The following ANKRD6 variants were observed in gnomAD, a reference collection of about 807,000 sequenced individuals.
ANKRD6 encodes ankyrin repeat domain-containing protein 6.
A neutral mutation model predicts 82.3 loss-of-function variants in ANKRD6; 56 were observed. That is an observed-to-expected ratio of 0.68 (90% confidence interval 0.55 to 0.85). The LOEUF (loss-of-function observed/expected upper bound fraction) is 0.85. Among genes scored for constraint, ANKRD6 ranks in the 40% least tolerant of loss-of-function variants. ANKRD6 has a pLI of 0.00. For synonymous variants in ANKRD6, 347 were observed against 352.1 expected (o/e 0.99, Z 0.16); for missense variants, 852 against 907.6 (o/e 0.94, Z 0.79).
At chr6:89,570,227 T>C (rs1159076217) in intron 2 of ANKRD6, among the ~76,000 whole-genome samples, 1 of 152,054 alleles carries the variant, frequency 6.6e-6, no homozygotes, top group Non-Finnish European at 1.5e-5. Context: ...ACTACAGGCA[T>C]GCACACTGTT....
At chr6:89,534,698 A>T (rs977582001) in intron 1 of ANKRD6, among the ~76,000 whole-genome samples, 8 of 152,202 alleles carry the variant, frequency 5.3e-5, no homozygotes, top group African/African-American at 1.9e-4. Flanking sequence ...GAGCATTAAC[A>T]GGGTTCCTGC....
chr6:89,594,777 C>G (rs1387226615), intron 2 of ANKRD6, among the ~76,000 whole-genome samples: 2 of 152,110 alleles, frequency 1.3e-5, no homozygotes, highest in African/African-American at 2.4e-5. Flanking sequence ...GGGTCTTGCT[C>G]TGTTGCCCAG....
intron 1 of ANKRD6, chr6:89,509,322 A>G (rs1253323555): frequency 2.0e-5 from 3 of 152,216 alleles, no homozygotes; most frequent in Middle Eastern, 3.2e-3. Context: ...CAGAGAGCAA[A>G]CAATGAAAAG....
At chr6:89,508,682 C>G (rs1780164823) in intron 1 of ANKRD6, among the ~76,000 whole-genome samples, 1 of 152,138 alleles carries the variant, frequency 6.6e-6, no homozygotes, top group Non-Finnish European at 1.5e-5. Flanking sequence ...GATTTATTTT[C>G]CTGGTTACCT....
chr6:89,542,511 C>A (rs147922668), intron 1 of ANKRD6, among the ~76,000 whole-genome samples: 1 of 152,212 alleles, frequency 6.6e-6, no homozygotes, highest in East Asian at 1.9e-4. Flanking sequence ...ACCACCCCCC[C>A]GCTTCCCGAG....
At chr6:89,454,936 G>A (rs982259881) in intron 1 of ANKRD6, among the ~76,000 whole-genome samples, 6 of 152,112 alleles carry the variant, frequency 3.9e-5, no homozygotes, top group African/African-American at 1.4e-4. Context: ...TGCTTCCTGG[G>A]TTCAAGCGAT....
In ANKRD6 at chr6:89,601,355, C is replaced by T. The variant is rs1178882345; in HGVS notation, c.220-1674C>T. On this transcript the variant is annotated intron_variant, in intron 3 of 15. Coordinates refer to ENST00000339746, the MANE Select transcript of ANKRD6 (RefSeq NM_001242809.2). ...GATCTGTCCTCAGTGTCCTGACCCC[C>T]CCTCACTGCAGAAATTCCTTACCTT... is the stretch of plus-strand genomic sequence containing the variant. Among the ~76,000 whole-genome samples, 5 of 152,192 alleles carry T rather than the reference C, an allele frequency of 3.3e-5. No individual in the cohort carries two copies. In the East Asian group the frequency reaches 9.7e-4, roughly 29 times the overall value.
intron 1 of ANKRD6, among the ~76,000 whole-genome samples, chr6:89,448,456 T>C (rs1446952727): frequency 2.0e-5 from 3 of 150,746 alleles, no homozygotes; most frequent in Non-Finnish European, 4.4e-5. Context: ...AAAAGAATTA[T>C]ACTACATCTA....
chr6:89,544,735 AAAAC>A (rs759203665), intron 1 of ANKRD6, among the ~76,000 whole-genome samples: 128 of 152,050 alleles, frequency 8.4e-4, no homozygotes, highest in Non-Finnish European at 1.3e-3. Context: ...CAAAAAACAA[AAAAC>A]AAACAAAAAA....
intron 1 of ANKRD6, among the ~76,000 whole-genome samples, chr6:89,472,758 C>T (rs989314533): frequency 2.0e-5 from 3 of 152,138 alleles, no homozygotes; most frequent in South Asian, 4.1e-4. Flanking sequence ...TGAACTGGAG[C>T]TCATCCCATT....
intron 6 of ANKRD6, 22 bp downstream of exon 6, chr6:89,612,392 C>T (rs1303701605): frequency 6.5e-7 from 1 of 1,527,414 alleles, no homozygotes; most frequent in Non-Finnish European, 8.9e-7. Flanking sequence ...AAACCAGATT[C>T]TCACGTTCTC....
chr6:89,496,784 T>C (rs1778678544), intron 1 of ANKRD6, among the ~76,000 whole-genome samples: 1 of 152,164 alleles, frequency 6.6e-6, no homozygotes, highest in South Asian at 2.1e-4. Flanking sequence ...AGATAAAACT[T>C]AAATCCTACT....
At chr6:89,461,805 C>G (rs1463493249) in intron 1 of ANKRD6, among the ~76,000 whole-genome samples, 1 of 152,022 alleles carries the variant, frequency 6.6e-6, no homozygotes, top group African/African-American at 2.4e-5. Context: ...TCTTTACATC[C>G]CTGGAAGCTT....
Position 89,630,853 on chromosome 6 carries a change from A to G in ANKRD6, c.2033A>G (p.Gln678Arg), listed in dbSNP as rs1807255261. Residue 678 changes from glutamine to arginine, a missense_variant, in exon 16 of 16, where the codon CAG becomes CGG. Physicochemically the swap from Gln to Arg is conservative, Grantham distance 43. Coordinates refer to ENST00000339746, the MANE Select transcript of ANKRD6 (RefSeq NM_001242809.2). ...TATTTTTTTGAGGCTGTTTCTACCC[A>G]GATGGAAAAGTGGTATGAAAGGAAG... is the stretch of plus-strand genomic sequence containing the variant. ...TQYFFEAVSTQMEKWYERKIE... is the reference protein window; with the variant it reads ...TQYFFEAVSTRMEKWYERKIE... 6.2e-7 allele frequency: 1 copy of G among 1,613,776 alleles called. No individual in the cohort carries two copies. The highest frequency in any genetic ancestry group is 1.1e-5 in the South Asian group (1 of 91,078).
intron 1 of ANKRD6, among the ~76,000 whole-genome samples, chr6:89,436,400 A>G (rs761795212): frequency 1.1e-4 from 17 of 152,216 alleles, no homozygotes; most frequent in Non-Finnish European, 1.8e-4. Flanking sequence ...ACCTCCAGTT[A>G]ATAGGTTCAG....
chr6:89,560,690 G>A (rs2128049840), intron 1 of ANKRD6, among the ~76,000 whole-genome samples: 1 of 152,254 alleles, frequency 6.6e-6, no homozygotes, highest in Middle Eastern at 3.4e-3. Context: ...GGGCATCATG[G>A]TAGTCGTCTG....
At chr6:89,442,614 G>T (rs553368049) in intron 1 of ANKRD6, among the ~76,000 whole-genome samples, 34 of 137,770 alleles carry the variant, frequency 2.5e-4, no homozygotes, top group African/African-American at 9.3e-4. Flanking sequence ...CAGACCCTGG[G>T]CAACAGAGCA....
At chr6:89,484,804 C>A (rs891050786) in intron 1 of ANKRD6, among the ~76,000 whole-genome samples, 1 of 152,216 alleles carries the variant, frequency 6.6e-6, no homozygotes, top group Non-Finnish European at 1.5e-5. Flanking sequence ...AGTGTGAAAT[C>A]TATTCTTAAT....
In ANKRD6 at chr6:89,469,600, G is replaced by A. The variant is rs114856610; in HGVS notation, c.-144+36225G>A. On this transcript the variant is annotated intron_variant, in intron 1 of 15. Transcript: ENST00000339746. ...GGTACTTTTCTTACCACCCATATCT[G>A]TGCAGAGAAATCTGACCCACCTGGA... is the stretch of plus-strand genomic sequence containing the variant. Among the ~76,000 whole-genome samples, 606 of 152,186 alleles carry A rather than the reference G, an allele frequency of 4.0e-3. 4 individuals are homozygous for A. Among genetic ancestry groups the A allele is most frequent in the African/African-American group, 0.014 (576 of 41,502 alleles).
Sources: gnomAD v4.1 joint callset for allele counts (sites outside exome capture counted in the v4.1 genomes callset) on GRCh38, gnomAD v4.1.1 for gene constraint, MANE v1.5 for transcripts, NCBI Gene and HGNC (gene_info 2026-07-23, HGNC 2026-07-21) for gene names.